The following NRG1 variants were observed in gnomAD, a reference collection of about 807,000 sequenced individuals.
NRG1 encodes the protein neuregulin 1, also known as pro-neuregulin-1, membrane-bound isoform.
A neutral mutation model predicts 63.8 loss-of-function variants in NRG1; 18 were observed. The ratio of observed to expected loss-of-function variants is 0.28; its 90% CI spans 0.19 to 0.42. NRG1 has a LOEUF of 0.42. Ranked by LOEUF, NRG1 falls within the 10% of genes least tolerant of loss-of-function variation. NRG1 has a pLI of 1.00. For synonymous variants in NRG1, 302 were observed against 301.3 expected (o/e 1.00, Z -0.02); for missense variants, 762 against 814.7 (o/e 0.94, Z 0.79).
At chr8:32,159,197 T>A (rs1383859025) in intron 1 of NRG1, among the ~76,000 whole-genome samples, 1 of 152,222 alleles carries the variant, frequency 6.6e-6, no homozygotes, top group Non-Finnish European at 1.5e-5. Context: ...CAATAAATGT[T>A]GGTTAATTTC....
intron 1 of NRG1, among the ~76,000 whole-genome samples, chr8:32,407,264 GTATATATATATTATATATA>G (rs1322452367): frequency 1.0e-4 from 11 of 105,176 alleles, no homozygotes; most frequent in South Asian, 2.9e-4. Context: ...ATGTGTGTGT[GTATATATATATTATATATA>G]TATATATATA....
At chr8:32,756,599 T>A (rs1454106644) in intron 9 of NRG1, 70 bp downstream of exon 9, 4 of 1,512,618 alleles carry the variant, frequency 2.6e-6, no homozygotes, top group Non-Finnish European at 3.5e-6. Context: ...AAGTTTATTT[T>A]CGAAAGCTCT....
intron 1 of NRG1, among the ~76,000 whole-genome samples, chr8:31,809,307 T>G (rs1822598065): frequency 6.7e-6 from 1 of 148,266 alleles, no homozygotes; most frequent in Admixed American, 6.8e-5. Context: ...TATCTTTTCC[T>G]TCAGTTTTTT....
chr8:32,451,534 T>C (rs1367413459), intron 1 of NRG1, among the ~76,000 whole-genome samples: 2 of 152,180 alleles, frequency 1.3e-5, no homozygotes, highest in Non-Finnish European at 2.9e-5. Flanking sequence ...AGCCAGTCTT[T>C]ATTATCCCCG....
intron 1 of NRG1, among the ~76,000 whole-genome samples, chr8:32,405,841 G>A (rs1353271469): frequency 6.6e-6 from 1 of 151,882 alleles, no homozygotes; most frequent in African/African-American, 2.4e-5. Context: ...TCATTAGTAG[G>A]CTTTTAAAAA....
At chr8:32,663,229 C>T (rs1803312001) in intron 5 of NRG1, among the ~76,000 whole-genome samples, 1 of 152,166 alleles carries the variant, frequency 6.6e-6, no homozygotes, top group Non-Finnish European at 1.5e-5. Context: ...CACTTTCAGT[C>T]ATCTTTTAAA....
intron 1 of NRG1, among the ~76,000 whole-genome samples, chr8:32,210,738 A>G (rs778310728): frequency 6.6e-6 from 1 of 152,214 alleles, no homozygotes; most frequent in Non-Finnish European, 1.5e-5. Flanking sequence ...AGATTTGATA[A>G]GAATTAGTAA....
chr8:31,919,211 T>A (rs899084342), intron 1 of NRG1, among the ~76,000 whole-genome samples: 6 of 152,170 alleles, frequency 3.9e-5, no homozygotes, highest in Admixed American at 3.9e-4. Flanking sequence ...CCTTCCGTTC[T>A]GCTCTGATCT....
intron 1 of NRG1, among the ~76,000 whole-genome samples, chr8:32,572,371 G>A (rs182081115): frequency 6.6e-6 from 1 of 152,166 alleles, no homozygotes; most frequent in East Asian, 1.9e-4. Context: ...TCATAAGTGA[G>A]GTACAGGATT....
chr8:32,144,458 T>C (rs1411827036), intron 1 of NRG1, among the ~76,000 whole-genome samples: 8 of 152,080 alleles, frequency 5.3e-5, no homozygotes, highest in African/African-American at 1.7e-4. Flanking sequence ...GAAATTCTTG[T>C]TTCATCGTCT....
chr8:31,711,818 T>C (rs995846553), intron 1 of NRG1, among the ~76,000 whole-genome samples: 1 of 152,202 alleles, frequency 6.6e-6, no homozygotes, highest in Non-Finnish European at 1.5e-5. Context: ...TCATAGATTC[T>C]GTCTTTTCAC....
intron 1 of NRG1, among the ~76,000 whole-genome samples, chr8:32,590,497 AC>A (rs1473652695): frequency 1.3e-5 from 2 of 152,166 alleles, no homozygotes; most frequent in Non-Finnish European, 2.9e-5. Flanking sequence ...TAATTAACAG[AC>A]CTTTTATGCT....
chr8:32,032,028 A>G (rs1818332424), intron 1 of NRG1, among the ~76,000 whole-genome samples: 2 of 152,236 alleles, frequency 1.3e-5, no homozygotes, highest in East Asian at 1.9e-4. Context: ...ATATCACAAC[A>G]CCATCTTCCA....
intron 1 of NRG1, among the ~76,000 whole-genome samples, chr8:32,069,618 G>A (rs1259546456): frequency 6.6e-6 from 1 of 152,170 alleles, no homozygotes; most frequent in Non-Finnish European, 1.5e-5. Context: ...CCTAAGCCCT[G>A]ACAGTGGAAT....
chr8:32,205,924 C>T (rs1390920284), intron 1 of NRG1, among the ~76,000 whole-genome samples: 17 of 130,726 alleles, frequency 1.3e-4, no homozygotes, highest in Middle Eastern at 3.7e-3. Flanking sequence ...CACACCAAGA[C>T]CATCTCTCTA....
At chr8:31,983,564 C>T (rs1809535225) in intron 1 of NRG1, among the ~76,000 whole-genome samples, 1 of 151,816 alleles carries the variant, frequency 6.6e-6, no homozygotes, top group Non-Finnish European at 1.5e-5. Flanking sequence ...AATTTTTTTG[C>T]AGAAATGGGA....
At chr8:32,385,653 G>A (rs7844353) in intron 1 of NRG1, among the ~76,000 whole-genome samples, 55,034 of 151,854 alleles carry the variant, frequency 0.36, 10,560 homozygotes, top group Middle Eastern at 0.43. Context: ...TTTACTCACC[G>A]TCACAACAGT....
At chr8:31,743,520 A>G (rs927601629) in intron 1 of NRG1, among the ~76,000 whole-genome samples, 1 of 151,920 alleles carries the variant, frequency 6.6e-6, no homozygotes, top group Non-Finnish European at 1.5e-5. Context: ...CATGGTCATC[A>G]TAAGCTATAA....
At chr8:32,094,004 G>A (rs1829553341) in intron 1 of NRG1, among the ~76,000 whole-genome samples, 1 of 152,166 alleles carries the variant, frequency 6.6e-6, no homozygotes, top group African/African-American at 2.4e-5. Flanking sequence ...TGGTTCCTGA[G>A]GATGTCTGCA....
Sources: allele counts gnomAD v4.1 joint callset (sites outside exome capture counted in the v4.1 genomes callset), GRCh38; gene constraint gnomAD v4.1.1; transcripts MANE v1.5; gene names NCBI Gene and HGNC (gene_info 2026-07-23, HGNC 2026-07-21).